Variants in SLC39A10 observed in about 807,000 individuals in gnomAD.
SLC39A10 encodes solute carrier family 39 member 10.
Under a neutral mutation model 65.1 loss-of-function variants are expected in SLC39A10, and 13 were observed. The observed-to-expected ratio is 0.20, with a 90% CI of 0.13 to 0.32. SLC39A10 has a LOEUF of 0.32. Ranked by LOEUF, SLC39A10 falls within the 10% of genes least tolerant of loss-of-function variation. SLC39A10 has a pLI of 1.00. For missense variants in SLC39A10, 831 were observed against 1,018.4 expected, an observed-to-expected ratio of 0.82 and a Z score of 2.50; for synonymous variants, 321 against 342.2, an observed-to-expected ratio of 0.94 and a Z score of 0.68.
At chr2:195,731,995 T>TA (rs1692446913) in intron 9 of SLC39A10, among the ~76,000 whole-genome samples, 1 of 152,230 alleles carries the variant, frequency 6.6e-6, no homozygotes, top group Non-Finnish European at 1.5e-5. Flanking sequence ...GGAAACACTC[T>TA]AAATGTTCAA....
In SLC39A10 at chr2:195,735,805, A is replaced by ATTTT. The variant is rs55916294; in HGVS notation, c.*779_*782dup. 0.029 allele frequency: 3,587 copies of ATTTT among 124,254 alleles called. 78 individuals are homozygous for ATTTT. The highest frequency in any genetic ancestry group is 0.036 in the African/African-American group (1,166 of 32,612). 7.7% of individuals were successfully genotyped at this position (124,254 alleles called of 1,614,324 possible). ...TGTTTTTTACTTTAATTTTGTTTTG[A>ATTTT]TTTTTTTTTTTTTTTTTTGGCGGGG... On this transcript the variant is annotated 3_prime_UTR_variant, in exon 10 of 10. Coordinates refer to ENST00000359634, the MANE Select transcript of SLC39A10 (RefSeq NM_020342.3).
chr2:195,635,449 A>G (rs1387826404), intron 2 of SLC39A10, among the ~76,000 whole-genome samples: 1 of 152,316 alleles, frequency 6.6e-6, no homozygotes, highest in African/African-American at 2.4e-5. Flanking sequence ...ATGCTAAGAT[A>G]TTATTTGCCT....
chr2:195,708,279 T>A (rs1040003168), intron 4 of SLC39A10, among the ~76,000 whole-genome samples: 2 of 152,214 alleles, frequency 1.3e-5, no homozygotes, highest in Non-Finnish European at 1.5e-5. Flanking sequence ...AAGTGACTGC[T>A]GGTGAATTAG....
At chr2:195,640,085 T>G (rs1428417788) in intron 2 of SLC39A10, among the ~76,000 whole-genome samples, 1 of 152,212 alleles carries the variant, frequency 6.6e-6, no homozygotes, top group Non-Finnish European at 1.5e-5. Flanking sequence ...TTGGCTCCTG[T>G]GACTCTTTCA....
intron 2 of SLC39A10, among the ~76,000 whole-genome samples, chr2:195,630,260 G>A (rs898531476): frequency 6.6e-5 from 10 of 151,112 alleles, no homozygotes; most frequent in Admixed American, 2.6e-4. Context: ...CTTAGGATTC[G>A]ATTACTTTAC....
Position 195,728,935 on chromosome 2 carries a change from T to G in SLC39A10, c.2337+586T>G, listed in dbSNP as rs1692335649. ...CTAGATAGGACATTTACTTTTTTTTTTCTGGTAAGATCACAGTCTTATTTC... is the reference window on the plus strand; with the variant it reads ...CTAGATAGGACATTTACTTTTTTTTGTCTGGTAAGATCACAGTCTTATTTC... On this transcript the variant is annotated intron_variant, in intron 9 of 9. Transcript: ENST00000359634. This position sits in a 1 kb window ranked among gnomAD's most constrained non-coding sequence, Gnocchi z 4.4. 6.6e-6 allele frequency among the ~76,000 whole-genome samples: 1 copy of G among 152,048 alleles called. No individual in the cohort carries two copies. Among genetic ancestry groups the G allele is most frequent in the Non-Finnish European group, 1.5e-5 (1 of 68,004 alleles).
At chr2:195,725,341 G>C (rs1490503972) in intron 8 of SLC39A10, among the ~76,000 whole-genome samples, 5 of 151,888 alleles carry the variant, frequency 3.3e-5, no homozygotes, top group African/African-American at 1.2e-4. Context: ...CCACAAACTG[G>C]GACAAAATAT....
rs1441891007 is a variant in SLC39A10, at chr2:195,615,168, GCAGAACTTCA to G, written c.-12+8938_-12+8947del. Among the ~76,000 whole-genome samples, 33 of 152,316 alleles carry G rather than the reference GCAGAACTTCA, an allele frequency of 2.2e-4. No individual in the cohort carries two copies. In the East Asian group the frequency reaches 6.0e-3, roughly 28 times the overall value. Reference sequence around the variant, plus strand: ...TCAGAGGAGGATAAAGTTCTCTAGAGCAGAACTTCACAAACTGTAGTGTAGGTGAGAATCA... The same window carrying G: ...TCAGAGGAGGATAAAGTTCTCTAGAGCAAACTGTAGTGTAGGTGAGAATCA... On this transcript the variant is annotated intron_variant, in intron 2 of 2. Coordinates refer to the SLC39A10 transcript ENST00000458054.
chr2:195,621,749 G>A (rs1688352901), intron 2 of SLC39A10, among the ~76,000 whole-genome samples: 1 of 152,130 alleles, frequency 6.6e-6, no homozygotes, highest in East Asian at 1.9e-4. Flanking sequence ...AATAATTATA[G>A]TATGAAGTGA....
intron 3 of SLC39A10, among the ~76,000 whole-genome samples, chr2:195,695,098 T>C (rs1391884018): frequency 6.6e-6 from 1 of 152,150 alleles, no homozygotes; most frequent in African/African-American, 2.4e-5. Flanking sequence ...TTCCTGAGGC[T>C]CCACCCCAGT....
At chr2:195,671,743 T>G (rs1182276284) in intron 1 of SLC39A10, 2 of 152,206 alleles carry the variant, frequency 1.3e-5, no homozygotes, top group Non-Finnish European at 2.9e-5. Flanking sequence ...GACCCTGGCC[T>G]CCTAGCCAAT....
intron 1 of SLC39A10, among the ~76,000 whole-genome samples, chr2:195,674,339 A>C (rs1412476428): frequency 6.6e-6 from 1 of 152,032 alleles, no homozygotes; most frequent in Non-Finnish European, 1.5e-5. Flanking sequence ...GTGCAATGGC[A>C]TGATCTCGGC....
chr2:195,707,719 T>C (rs1026316721), intron 4 of SLC39A10, among the ~76,000 whole-genome samples: 1 of 152,182 alleles, frequency 6.6e-6, no homozygotes, highest in East Asian at 1.9e-4. Flanking sequence ...GTAAGAGTTA[T>C]TGAAGTGAGA....
intron 2 of SLC39A10, among the ~76,000 whole-genome samples, chr2:195,646,648 A>G (rs1034730643): frequency 1.5e-4 from 4 of 27,520 alleles, no homozygotes; most frequent in Non-Finnish European, 3.0e-4. Context: ...AACCCCCTAC[A>G]GACCCGGTAA....
intron 2 of SLC39A10, among the ~76,000 whole-genome samples, chr2:195,624,852 A>C (rs1417064834): frequency 7.2e-6 from 1 of 138,092 alleles, no homozygotes; most frequent in Admixed American, 8.4e-5. Context: ...CTGCCACTGC[A>C]CTCCAGCCTG....
Position 195,718,339 on chromosome 2 carries a change from T to C in SLC39A10, c.2146+7T>C, listed in dbSNP as rs1164251551. ...GAACTGCCACATGAATTAGGTAATA[T>C]AACCTTAAAAATTTTACCAGATTTC... On this transcript the variant is annotated splice_region_variant and intron_variant, in intron 8 of 9. Coordinates refer to ENST00000359634, the MANE Select transcript of SLC39A10 (RefSeq NM_020342.3). 4 of 1,593,216 alleles carry C rather than the reference T, an allele frequency of 2.5e-6. No homozygotes were observed. Among genetic ancestry groups the C allele is most frequent in the Admixed American group, 1.7e-5 (1 of 59,200 alleles).
chr2:195,671,317 T>A (rs1309502228), intron 1 of SLC39A10, among the ~76,000 whole-genome samples: 1 of 152,210 alleles, frequency 6.6e-6, no homozygotes, highest in Non-Finnish European at 1.5e-5. Flanking sequence ...ACTGTGGTTA[T>A]GTATTGGAAA....
intron 1 of SLC39A10, among the ~76,000 whole-genome samples, chr2:195,663,847 T>TA (rs1689523088): frequency 6.6e-6 from 1 of 151,848 alleles, no homozygotes; most frequent in Admixed American, 6.6e-5. Flanking sequence ...ACAGGTTTGT[T>TA]ACCTGGGTTA....
chr2:195,689,586 C>T (rs1690651748), intron 3 of SLC39A10, among the ~76,000 whole-genome samples: 1 of 151,942 alleles, frequency 6.6e-6, no homozygotes, highest in South Asian at 2.1e-4. Context: ...TCATTTTAAC[C>T]ATTTTTAAGT....
Sources: gnomAD v4.1 joint callset for allele counts (sites outside exome capture counted in the v4.1 genomes callset) on GRCh38, gnomAD v4.1.1 for gene constraint, Gnocchi (gnomAD v3.1) non-coding constraint, MANE v1.5 for transcripts, NCBI Gene and HGNC (gene_info 2026-07-23, HGNC 2026-07-21) for gene names.